Variants in EFHD1 observed in about 807,000 individuals in gnomAD.
EFHD1 encodes the protein EF-hand domain-containing protein D1.
In EFHD1, 10 loss-of-function variants were observed where a neutral mutation model predicts 17.2. The ratio of observed to expected loss-of-function variants is 0.58; its 90% CI spans 0.36 to 0.99. The LOEUF (loss-of-function observed/expected upper bound fraction) is 0.99. Ranked by LOEUF, EFHD1 falls within the 50% of genes least tolerant of loss-of-function variation. The pLI, the probability that EFHD1 is intolerant of heterozygous loss-of-function variation, is 0.01. For missense variants in EFHD1, 310 were observed against 327.5 expected, an observed-to-expected ratio of 0.95 and a Z score of 0.41; for synonymous variants, 153 against 142.0, an observed-to-expected ratio of 1.08 and a Z score of -0.55.
At chr2:232,641,509 C>T (rs993554301) in intron 1 of EFHD1, among the ~76,000 whole-genome samples, 1 of 152,228 alleles carries the variant, frequency 6.6e-6, no homozygotes, top group African/African-American at 2.4e-5. Flanking sequence ...AAGATTCTTT[C>T]TAGGCCATGG....
At chr2:232,621,749 G>T (rs1212292850) in intron 1 of EFHD1, among the ~76,000 whole-genome samples, 2 of 152,190 alleles carry the variant, frequency 1.3e-5, no homozygotes, top group African/African-American at 2.4e-5. Context: ...ACTGTGCCTG[G>T]CCCAGTGGGC....
At chr2:232,673,248 A>G (rs1695112348) in intron 3 of EFHD1, among the ~76,000 whole-genome samples, 1 of 152,210 alleles carries the variant, frequency 6.6e-6, no homozygotes, top group Non-Finnish European at 1.5e-5. Context: ...GCTATTTTGC[A>G]GGGATGGGTC....
At chr2:232,629,223 G>T (rs1266194520), upstream of EFHD1, among the ~76,000 whole-genome samples, 1 of 152,194 alleles carries the variant, frequency 6.6e-6, no homozygotes, top group Non-Finnish European at 1.5e-5. Context: ...CACAGCAATA[G>T]AACTGAACAA....
At chr2:232,665,343 A>T (rs1694950218) in intron 2 of EFHD1, among the ~76,000 whole-genome samples, 1 of 152,180 alleles carries the variant, frequency 6.6e-6, no homozygotes, top group Non-Finnish European at 1.5e-5. Flanking sequence ...CCCACAGGGA[A>T]GGGAATTTCA....
rs538658306 is a variant in EFHD1, at chr2:232,677,222, A to T, written c.586-4363A>T. On this transcript the variant is annotated intron_variant, in intron 3 of 3. Transcript: ENST00000264059. ...ACCCCATCTCTACACACACACACAC[A>T]CACACACACACACACACACGTACAC... 6.2e-3 allele frequency among the ~76,000 whole-genome samples: 883 copies of T among 142,362 alleles called. 39 individuals carry two copies. The highest frequency in any genetic ancestry group is 0.052 in the Admixed American group (711 of 13,766). The allele number at this position is 142,362 out of a possible 152,430, so 93.4% of individuals were successfully genotyped here.
chr2:232,637,488 C>T (rs561516624), intron 1 of EFHD1, among the ~76,000 whole-genome samples: 28 of 151,938 alleles, frequency 1.8e-4, no homozygotes, highest in African/African-American at 2.9e-4. Flanking sequence ...GGACTACAGG[C>T]GCGCACCACC....
chr2:232,620,903 GGT>G (rs1227580357), intron 1 of EFHD1, among the ~76,000 whole-genome samples: 3 of 152,088 alleles, frequency 2.0e-5, no homozygotes, highest in Non-Finnish European at 4.4e-5. Flanking sequence ...GTTCTGGGGA[GGT>G]GTGGACACAT....
chr2:232,638,294 T>C (rs935963091), intron 1 of EFHD1: 10 of 468,596 alleles, frequency 2.1e-5, no homozygotes, highest in Non-Finnish European at 3.5e-5. Flanking sequence ...TGCAACATCT[T>C]AAAATGCAGC....
At chr2:232,641,970 C>A (rs866532518) in intron 1 of EFHD1, among the ~76,000 whole-genome samples, 21 of 152,180 alleles carry the variant, frequency 1.4e-4, no homozygotes, top group African/African-American at 4.8e-4. Context: ...GGAAGCCTCG[C>A]AGCTGGCGCT....
At chr2:232,635,309 A>C (rs1444663220) in intron 1 of EFHD1, among the ~76,000 whole-genome samples, 1 of 152,222 alleles carries the variant, frequency 6.6e-6, no homozygotes, top group East Asian at 1.9e-4. Context: ...AGTTCCTCCC[A>C]GTCCAGCTGG....
chr2:232,647,607 C>T (rs1192752101), intron 1 of EFHD1, among the ~76,000 whole-genome samples: 1 of 151,658 alleles, frequency 6.6e-6, no homozygotes, highest in African/African-American at 2.4e-5. Context: ...CCCTTCCAAC[C>T]CAGTTTCCTG....
chr2:232,661,997 G>A (rs1694876993), intron 1 of EFHD1: 1 of 152,398 alleles, frequency 6.6e-6, no homozygotes, highest in Non-Finnish European at 1.5e-5. Context: ...TGGGTGGCGG[G>A]AAATGCTTGA....
intron 1 of EFHD1, among the ~76,000 whole-genome samples, chr2:232,647,567 G>A (rs1299631760): frequency 6.6e-6 from 1 of 152,158 alleles, no homozygotes; most frequent in African/African-American, 2.4e-5. Context: ...AGGGCTCCTG[G>A]GAATTCCAGA....
chr2:232,648,064 ACT>A (rs942221339), intron 1 of EFHD1, among the ~76,000 whole-genome samples: 43 of 152,098 alleles, frequency 2.8e-4, no homozygotes, highest in African/African-American at 9.6e-4. Context: ...ACATGGCGAA[ACT>A]CTGTCTTTAC....
intron 2 of EFHD1, among the ~76,000 whole-genome samples, chr2:232,670,782 A>G (rs1695051171): frequency 6.6e-6 from 1 of 152,166 alleles, no homozygotes; most frequent in Admixed American, 6.6e-5. Context: ...AAAGTTGAAA[A>G]TTAGCATAAA....
At chr2:232,611,859 G>C (rs1262308752) in intron 1 of EFHD1, 1 of 152,246 alleles carries the variant, frequency 6.6e-6, no homozygotes, top group Non-Finnish European at 1.5e-5. Context: ...CCCCCGACTT[G>C]TGCAGGTTCC....
upstream of EFHD1, chr2:232,633,592 C>G: frequency 7.7e-7 from 1 of 1,305,516 alleles, no homozygotes; most frequent in South Asian, 2.2e-5. Flanking sequence ...GCCGGGTCCC[C>G]GCCGCCTCGG....
intron 3 of EFHD1, among the ~76,000 whole-genome samples, chr2:232,674,893 G>A (rs967810614): frequency 1.2e-4 from 18 of 152,178 alleles, no homozygotes; most frequent in South Asian, 2.1e-4. Flanking sequence ...CTGGAGAGGC[G>A]TCCCAATGTG....
At chr2:232,615,061 C>T (rs1276736253) in intron 1 of EFHD1, among the ~76,000 whole-genome samples, 2 of 152,118 alleles carry the variant, frequency 1.3e-5, no homozygotes, top group African/African-American at 4.8e-5. Context: ...AGGACTATGG[C>T]TCACTGCAGT....
Sources: allele counts gnomAD v4.1 joint callset (sites outside exome capture counted in the v4.1 genomes callset), GRCh38; gene constraint gnomAD v4.1.1; transcripts MANE v1.5; gene names NCBI Gene and HGNC (gene_info 2026-07-23, HGNC 2026-07-21).